Variants in SLC16A12 observed in about 807,000 individuals in gnomAD.
SLC16A12 encodes the protein monocarboxylate transporter 12.
A neutral mutation model predicts 42.4 loss-of-function variants in SLC16A12; 17 were observed. The ratio of observed to expected loss-of-function variants is 0.40; its 90% CI spans 0.27 to 0.60. The LOEUF (loss-of-function observed/expected upper bound fraction) is 0.60, where lower values mean the gene tolerates loss of function less well. Ranked by LOEUF, SLC16A12 falls within the 20% of genes least tolerant of loss-of-function variation. The pLI, the probability that SLC16A12 is intolerant of heterozygous loss-of-function variation, is 0.42. For synonymous variants in SLC16A12, 224 were observed against 229.4 expected, an observed-to-expected ratio of 0.98 and a Z score of 0.21; for missense variants, 544 against 623.0, an observed-to-expected ratio of 0.87 and a Z score of 1.35.
At chr10:89,510,981 A>T (rs112340045) in intron 2 of SLC16A12, among the ~76,000 whole-genome samples, 52 of 152,290 alleles carry the variant, frequency 3.4e-4, no homozygotes, top group Non-Finnish European at 6.6e-4. Flanking sequence ...ATAAAAAAAT[A>T]CTCATCATCA....
At chr10:89,494,506 G>C (rs1842894662) in intron 2 of SLC16A12, among the ~76,000 whole-genome samples, 2 of 152,228 alleles carry the variant, frequency 1.3e-5, no homozygotes, top group Admixed American at 1.3e-4. Flanking sequence ...TTGTACAGCA[G>C]ATTGAGCACG....
intron 2 of SLC16A12, among the ~76,000 whole-genome samples, chr10:89,500,694 T>A (rs1280576848): frequency 1.3e-5 from 2 of 152,184 alleles, no homozygotes; most frequent in Non-Finnish European, 2.9e-5. Context: ...AACATTATAC[T>A]AAGTGGGGAA....
chr10:89,487,995 T>TATATATATACAC lies in SLC16A12; in HGVS notation c.-46-25372_-46-25371insGTGTATATATAT, dbSNP rs770274570. On this transcript the variant is annotated intron_variant, in intron 2 of 7. Coordinates refer to ENST00000371790, the MANE Select transcript of SLC16A12 (RefSeq NM_213606.4). ...ATATATATATATATATATATATATA[T>TATATATATACAC]ACACACACACATTTATTATACCATA... Among the ~76,000 whole-genome samples, 3 of 122,996 alleles carry TATATATATACAC rather than the reference T, an allele frequency of 2.4e-5. No individual in the cohort carries two copies. The East Asian group carries it at 7.8e-4, about 32-fold the overall frequency. The allele number at this position is 122,996 out of a possible 152,430, so 80.7% of individuals were successfully genotyped here. A position where few individuals can be genotyped will look rare whatever the true frequency, so the allele number is the denominator to read the frequency against.
chr10:89,449,577 C>T (rs1184409889), intron 3 of SLC16A12, among the ~76,000 whole-genome samples: 1 of 152,192 alleles, frequency 6.6e-6, no homozygotes, highest in Non-Finnish European at 1.5e-5. Flanking sequence ...GAAACTGGAT[C>T]CCTTCCTTAT....
At chr10:89,456,830 C>T (rs976918361) in intron 3 of SLC16A12, among the ~76,000 whole-genome samples, 3 of 152,084 alleles carry the variant, frequency 2.0e-5, no homozygotes, top group African/African-American at 7.2e-5. Flanking sequence ...TGTTAGCTTC[C>T]TGAGGTTAAT....
At position 89,517,540 on chromosome 10, in the gene SLC16A12, G is replaced by C. The variant is rs1191535688; in HGVS notation, c.-47+16961C>G. 1.1e-4 allele frequency among the ~76,000 whole-genome samples: 17 copies of C among 151,864 alleles called. No individual in the cohort carries two copies. The South Asian group carries it at 3.3e-3, about 30-fold the overall frequency. On this transcript the variant is annotated intron_variant, in intron 2 of 7. Transcript: ENST00000371790. ...TTGCCCAGGCTAGTCTCAACTCCTA[G>C]ACTCAAGGAATCCTCCTGCCTTGGC...
At chr10:89,534,719 C>T (rs1843623361) in intron 1 of SLC16A12, 79 bp from the exon 2 acceptor site, 1 of 149,314 alleles carries the variant, frequency 6.7e-6, no homozygotes, top group African/African-American at 2.5e-5. Flanking sequence ...GTCCCAGCTA[C>T]TCCAGATGCT....
intron 3 of SLC16A12, among the ~76,000 whole-genome samples, chr10:89,449,994 C>A (rs1238388054): frequency 1.3e-5 from 2 of 152,164 alleles, no homozygotes; most frequent in Non-Finnish European, 2.9e-5. Context: ...ATGCAGCCAA[C>A]AGACACATGA....
At chr10:89,536,963 G>A (rs1036273915), upstream of SLC16A12, among the ~76,000 whole-genome samples, 1 of 151,468 alleles carries the variant, frequency 6.6e-6, no homozygotes. Context: ...TCAGCTTCCG[G>A]AGTAGCTGGG....
chr10:89,531,536 G>A (rs980004230), intron 2 of SLC16A12, among the ~76,000 whole-genome samples: 4 of 152,134 alleles, frequency 2.6e-5, no homozygotes, highest in African/African-American at 4.8e-5. Context: ...TTCCCACAGC[G>A]GTCTCTGTGT....
chr10:89,516,334 A>G (rs1373731150), intron 2 of SLC16A12, among the ~76,000 whole-genome samples: 1 of 152,174 alleles, frequency 6.6e-6, no homozygotes, highest in East Asian at 1.9e-4. Context: ...CCACTCGGCT[A>G]CTTCACACTG....
intron 2 of SLC16A12, among the ~76,000 whole-genome samples, chr10:89,505,604 G>A (rs897622716): frequency 4.6e-5 from 7 of 152,154 alleles, no homozygotes; most frequent in Admixed American, 4.6e-4. Flanking sequence ...CAGAGGGTGA[G>A]CCGAAGCAGA....
chr10:89,481,547 A>G (rs575310177), intron 2 of SLC16A12, among the ~76,000 whole-genome samples: 2 of 152,216 alleles, frequency 1.3e-5, no homozygotes, highest in Non-Finnish European at 2.9e-5. Context: ...TTATCTGCCC[A>G]AGAAGCCAAA....
At chr10:89,449,348 C>T (rs1589667785) in intron 3 of SLC16A12, among the ~76,000 whole-genome samples, 1 of 152,206 alleles carries the variant, frequency 6.6e-6, no homozygotes, top group African/African-American at 2.4e-5. Flanking sequence ...TGCTACCTGA[C>T]TTCAAGCTGT....
chr10:89,462,351 A>T, intron 3 of SLC16A12, 28 bp downstream of exon 3: 2 of 1,613,792 alleles, frequency 1.2e-6, no homozygotes, highest in African/African-American at 2.7e-5. Context: ...AGGTCATCTT[A>T]ATAAGTTAAG....
At chr10:89,497,870 T>A (rs1325364311) in intron 2 of SLC16A12, among the ~76,000 whole-genome samples, 1 of 152,242 alleles carries the variant, frequency 6.6e-6, no homozygotes, top group Non-Finnish European at 1.5e-5. Context: ...TATGTTACTA[T>A]GTAATTATAC....
chr10:89,490,618 G>T (rs918058148), intron 2 of SLC16A12, among the ~76,000 whole-genome samples: 1 of 152,176 alleles, frequency 6.6e-6, no homozygotes, highest in Non-Finnish European at 1.5e-5. Flanking sequence ...GGGGGGCCGG[G>T]ATTGGGAACG....
intron 2 of SLC16A12, 90 bp from the exon 3 acceptor site, chr10:89,462,714 C>G (rs1030824470): frequency 9.4e-5 from 128 of 1,362,004 alleles, no homozygotes; most frequent in Admixed American, 4.0e-4. Flanking sequence ...TTATTACTTT[C>G]CTATTAAATA....
intron 2 of SLC16A12, among the ~76,000 whole-genome samples, chr10:89,481,062 C>T (rs1469277825): frequency 6.6e-6 from 1 of 152,140 alleles, no homozygotes; most frequent in Admixed American, 6.6e-5. Flanking sequence ...CTATAAATGA[C>T]AGCTCTGAGG....
Sources: allele counts gnomAD v4.1 joint callset (sites outside exome capture counted in the v4.1 genomes callset), GRCh38; gene constraint gnomAD v4.1.1; transcripts MANE v1.5; gene names NCBI Gene and HGNC (gene_info 2026-07-23, HGNC 2026-07-21).